The following GPR15LG variants were observed in gnomAD, a reference collection of about 807,000 sequenced individuals.
GPR15LG encodes the protein G protein-coupled receptor 15 ligand, also known as protein GPR15LG.
the GPR15LG span, among the ~76,000 whole-genome samples, chr10:84,179,400 G>A: frequency 6.6e-6 from 1 of 152,186 alleles, no homozygotes; most frequent in Admixed American, 6.5e-5. Context: ...GACAACCAAA[G>A]CCTGCACGTT....
the GPR15LG span, among the ~76,000 whole-genome samples, chr10:84,182,095 G>A: frequency 6.6e-6 from 1 of 152,190 alleles, no homozygotes; most frequent in Non-Finnish European, 1.5e-5. Flanking sequence ...TTCCTCCCTC[G>A]CCATAGGGTT....
At chr10:84,182,032 C>T in the GPR15LG span, among the ~76,000 whole-genome samples, 493 of 152,310 alleles carry the variant, frequency 3.2e-3, no homozygotes, top group Non-Finnish European at 5.7e-3. Context: ...TGAAACCCAG[C>T]AAAATGGCTG....
At chr10:84,180,088 G>T in the GPR15LG span, among the ~76,000 whole-genome samples, 1 of 152,250 alleles carries the variant, frequency 6.6e-6, no homozygotes, top group East Asian at 1.9e-4. Flanking sequence ...GACTCTTAAC[G>T]AGTATGCTGC....
the GPR15LG span, among the ~76,000 whole-genome samples, chr10:84,175,597 A>G: frequency 6.6e-6 from 1 of 152,206 alleles, no homozygotes; most frequent in Non-Finnish European, 1.5e-5. Context: ...CTTGACTTCC[A>G]GGGCTCAAGC....
chr10:84,179,170 A>G, the GPR15LG span, among the ~76,000 whole-genome samples: 2 of 152,218 alleles, frequency 1.3e-5, no homozygotes, highest in Non-Finnish European at 2.9e-5. Context: ...GGAGCAAGTC[A>G]CCCAGCACTG....
chr10:84,183,125 T>C, the GPR15LG span, among the ~76,000 whole-genome samples: 2 of 152,250 alleles, frequency 1.3e-5, no homozygotes, highest in Non-Finnish European at 2.9e-5. Flanking sequence ...TTTGTATAGC[T>C]AGTGCTTATA....
chr10:84,178,401 A>G, the GPR15LG span, among the ~76,000 whole-genome samples: 1 of 151,974 alleles, frequency 6.6e-6, no homozygotes, highest in Non-Finnish European at 1.5e-5. Flanking sequence ...ACACAAGTAC[A>G]TCTACACACA....
At chr10:84,182,419 G>T in the GPR15LG span, among the ~76,000 whole-genome samples, 1 of 152,184 alleles carries the variant, frequency 6.6e-6, no homozygotes, top group African/African-American at 2.4e-5. Flanking sequence ...ATTTCTTCTA[G>T]TCTTGGCTGG....
chr10:84,181,346 G>A, the GPR15LG span, among the ~76,000 whole-genome samples: 1 of 151,918 alleles, frequency 6.6e-6, no homozygotes, highest in Non-Finnish European at 1.5e-5. Context: ...CAAAGTGCTG[G>A]GATTACAGGC....
At chr10:84,181,205 G>GAGGGAA in the GPR15LG span, among the ~76,000 whole-genome samples, 1 of 133,248 alleles carries the variant, frequency 7.5e-6, no homozygotes, top group African/African-American at 2.9e-5. Context: ...GGGAGAGGGA[G>GAGGGAA]AGGGAGAGGG....
the GPR15LG span, among the ~76,000 whole-genome samples, chr10:84,178,435 CACAA>C: frequency 6.6e-6 from 1 of 151,868 alleles, no homozygotes; most frequent in Non-Finnish European, 1.5e-5. Flanking sequence ...CAACTATACA[CACAA>C]ACACACATAA....
chr10:84,184,611 C>T, the GPR15LG span: 1 of 1,479,838 alleles, frequency 6.8e-7, no homozygotes, highest in Admixed American at 1.7e-5. Context: ...CCTCTCTCTC[C>T]CCACAACCTG....
the GPR15LG span, among the ~76,000 whole-genome samples, chr10:84,179,695 C>T: frequency 6.6e-6 from 1 of 152,282 alleles, no homozygotes; most frequent in South Asian, 2.1e-4. Flanking sequence ...GACTACTCCT[C>T]GTTCTATGGT....
chr10:84,183,445 CATTT>C, the GPR15LG span, among the ~76,000 whole-genome samples: 5 of 152,270 alleles, frequency 3.3e-5, no homozygotes, highest in East Asian at 1.9e-4. Context: ...CCTTCTCATT[CATTT>C]GTGTGTCCTT....
chr10:84,184,812 C>T, the GPR15LG span: 4 of 1,610,838 alleles, frequency 2.5e-6, no homozygotes, highest in South Asian at 1.1e-5. Flanking sequence ...TCATGCCTGG[C>T]ACCTGAGGTA....
At chr10:84,181,613 G>A in the GPR15LG span, among the ~76,000 whole-genome samples, 27 of 152,032 alleles carry the variant, frequency 1.8e-4, no homozygotes, top group East Asian at 9.8e-4. Context: ...CAAAGACAGC[G>A]TCTTACTATG....
At chr10:84,178,916 G>A in the GPR15LG span, among the ~76,000 whole-genome samples, 4,017 of 152,276 alleles carry the variant, frequency 0.026, 158 homozygotes, top group African/African-American at 0.091. Context: ...TGAGACCACC[G>A]TGGGGAGGTC....
the GPR15LG span, among the ~76,000 whole-genome samples, chr10:84,180,919 C>T: frequency 6.6e-6 from 1 of 152,126 alleles, no homozygotes; most frequent in Non-Finnish European, 1.5e-5. Context: ...ACCCCGTCTC[C>T]ACCAAAAAAT....
the GPR15LG span, among the ~76,000 whole-genome samples, chr10:84,175,614 C>T: frequency 2.6e-5 from 4 of 152,206 alleles, no homozygotes; most frequent in African/African-American, 4.8e-5. Context: ...AAGCAATACT[C>T]GCACCTCAGG....
Sources: allele counts gnomAD v4.1 joint callset (sites outside exome capture counted in the v4.1 genomes callset), GRCh38; gene constraint gnomAD v4.1.1; transcripts MANE v1.5; gene names NCBI Gene and HGNC (gene_info 2026-07-23, HGNC 2026-07-21).